The following KLHL13 variants were observed in gnomAD, a reference collection of about 807,000 sequenced individuals.
The protein encoded by KLHL13 is kelch like family member 13.
KLHL13 carries 10 observed loss-of-function variants against 37.1 expected under a neutral mutation model. That is an observed-to-expected ratio of 0.27 (90% confidence interval 0.17 to 0.46). KLHL13 has a LOEUF of 0.46. KLHL13 is among the 20% of genes least tolerant of loss of function. The pLI, the probability that KLHL13 is intolerant of heterozygous loss-of-function variation, is 1.00. For synonymous variants in KLHL13, 163 were observed against 181.2 expected (o/e 0.90, Z 0.81); for missense variants, 360 against 509.3 (o/e 0.71, Z 2.82).
At chrX:118,092,109 T>G (rs2148152691) in intron 1 of KLHL13, among the ~76,000 whole-genome samples, 1 of 111,640 alleles carries the variant, frequency 9.0e-6, no homozygotes, top group East Asian at 2.8e-4. Context: ...GGGTACAGTG[T>G]ACACTGCTTG....
At chrX:117,938,195 G>C (rs773997160) in intron 2 of KLHL13, among the ~76,000 whole-genome samples, 1 of 111,519 alleles carries the variant, frequency 9.0e-6, no homozygotes, top group African/African-American at 3.2e-5. Context: ...AATATGTACA[G>C]ATATTACTCT....
intron 1 of KLHL13, among the ~76,000 whole-genome samples, chrX:118,017,577 A>G (rs762109642): frequency 3.6e-5 from 4 of 110,882 alleles, no homozygotes; most frequent in Non-Finnish European, 7.6e-5. Flanking sequence ...AAGAAACATG[A>G]CTTCACTCAT....
At chrX:118,109,064 C>T (rs986892510) in intron 1 of KLHL13, among the ~76,000 whole-genome samples, 3 of 112,124 alleles carry the variant, frequency 2.7e-5, no homozygotes, top group African/African-American at 9.7e-5. Flanking sequence ...AATGCTCCCG[C>T]CTAGGCGTCC....
At chrX:118,047,611 T>C (rs954793756) in intron 1 of KLHL13, among the ~76,000 whole-genome samples, 1 of 111,971 alleles carries the variant, frequency 8.9e-6, no homozygotes, top group Admixed American at 9.4e-5. Context: ...AAACCGCAAT[T>C]ACTTTCGCAC....
At chrX:118,090,306 A>G (rs780046790) in intron 1 of KLHL13, among the ~76,000 whole-genome samples, 11 of 111,119 alleles carry the variant, frequency 9.9e-5, no homozygotes, top group African/African-American at 3.3e-4. Context: ...CTTCTGCACA[A>G]CAAAAGAAAC....
At chrX:118,094,194 A>C (rs2055172917) in intron 1 of KLHL13, among the ~76,000 whole-genome samples, 1 of 111,350 alleles carries the variant, frequency 9.0e-6, no homozygotes, top group Non-Finnish European at 1.9e-5. Flanking sequence ...GAAGTCCTTA[A>C]AGGACCTGAT....
chrX:118,045,059 T>A (rs1229231733), intron 1 of KLHL13, among the ~76,000 whole-genome samples: 2 of 111,273 alleles, frequency 1.8e-5, no homozygotes, highest in African/African-American at 6.5e-5. Flanking sequence ...ATAGAAAAAA[T>A]TCTAATAATC....
At chrX:117,933,592 TG>T (rs1932578435) in intron 2 of KLHL13, among the ~76,000 whole-genome samples, 1 of 111,552 alleles carries the variant, frequency 9.0e-6, no homozygotes, top group Non-Finnish European at 1.9e-5. Context: ...GAAATTAGGC[TG>T]GGCAAGGATT....
chrX:117,984,635 T>C (rs1273921520), intron 1 of KLHL13, among the ~76,000 whole-genome samples: 2 of 111,560 alleles, frequency 1.8e-5, no homozygotes, highest in African/African-American at 6.5e-5. Context: ...CAGCATCTCC[T>C]TAATGACAGT....
At chrX:117,920,247 T>C in exon 3 of KLHL13, 1 of 1,209,258 alleles carries the variant, frequency 8.3e-7, no homozygotes, top group Non-Finnish European at 1.1e-6. Flanking sequence ...CCTGTGAACA[T>C]AGCCTTGAAG....
chrX:117,908,512 A>G (rs1275153527), intron 5 of KLHL13, among the ~76,000 whole-genome samples: 1 of 111,119 alleles, frequency 9.0e-6, no homozygotes, highest in Non-Finnish European at 1.9e-5. Flanking sequence ...AATGACAAAT[A>G]TATGTCACAA....
chrX:118,022,701 T>A (rs1466969114), intron 1 of KLHL13, among the ~76,000 whole-genome samples: 3 of 112,473 alleles, frequency 2.7e-5, no homozygotes, highest in Non-Finnish European at 5.6e-5. Flanking sequence ...TGTGTTTCTT[T>A]TCTACTGAGT....
chrX:117,998,678 T>C (rs1422665703), intron 1 of KLHL13, among the ~76,000 whole-genome samples: 1 of 110,035 alleles, frequency 9.1e-6, no homozygotes, highest in East Asian at 2.9e-4. Flanking sequence ...ACCCACCCTT[T>C]GTGACATGCT....
At chrX:117,930,434 TAA>T (rs1173809865) in intron 2 of KLHL13, among the ~76,000 whole-genome samples, 1 of 111,389 alleles carries the variant, frequency 9.0e-6, no homozygotes, top group Non-Finnish European at 1.9e-5. Flanking sequence ...CTAGAACTGA[TAA>T]GTCAGTTTAC....
chrX:118,069,684 T>C (rs1189058734), intron 1 of KLHL13, among the ~76,000 whole-genome samples: 2 of 111,569 alleles, frequency 1.8e-5, no homozygotes, highest in Non-Finnish European at 3.8e-5. Flanking sequence ...TCAAGCTAAG[T>C]GTTATTACAA....
At chrX:117,951,164 C>A (rs28665160) in intron 1 of KLHL13, among the ~76,000 whole-genome samples, 18,427 of 110,976 alleles carry the variant, frequency 0.17, 2,086 homozygotes, top group African/African-American at 0.41. Flanking sequence ...CATTATGAAA[C>A]AAAGGAACAT....
chrX:117,978,774 T>C (rs1014791111), intron 1 of KLHL13, among the ~76,000 whole-genome samples: 2 of 104,353 alleles, frequency 1.9e-5, no homozygotes, highest in Non-Finnish European at 3.9e-5. Flanking sequence ...TGGCACTATC[T>C]ATACTCTTTA....
At chrX:118,021,922 G>A (rs889018038) in intron 1 of KLHL13, among the ~76,000 whole-genome samples, 5 of 111,471 alleles carry the variant, frequency 4.5e-5, no homozygotes, top group East Asian at 5.6e-4. Flanking sequence ...TTTAATGATC[G>A]CCATTCTAAC....
intron 1 of KLHL13, among the ~76,000 whole-genome samples, chrX:118,021,633 C>CT (rs1272325006): frequency 9.0e-6 from 1 of 110,629 alleles, no homozygotes; most frequent in African/African-American, 3.4e-5. Flanking sequence ...TTAATCCAGT[C>CT]TATCATTGAT....
Sources: allele counts gnomAD v4.1 joint callset (sites outside exome capture counted in the v4.1 genomes callset), GRCh38; gene constraint gnomAD v4.1.1; transcripts MANE v1.5; gene names NCBI Gene and HGNC (gene_info 2026-07-23, HGNC 2026-07-21).